ADAMTS17: variants seen among roughly 807,000 people sequenced by gnomAD.
The protein encoded by ADAMTS17 is ADAM metallopeptidase with thrombospondin type 1 motif 17, also known as A disintegrin and metalloproteinase with thrombospondin motifs 17.
A neutral mutation model predicts 141.5 loss-of-function variants in ADAMTS17; 113 were observed. The observed-to-expected ratio is 0.80, with a 90% CI of 0.69 to 0.93. The LOEUF is 0.93. Among genes scored for constraint, ADAMTS17 ranks in the 40% least tolerant of loss-of-function variants. The probability of loss-of-function intolerance (pLI) is 0.00; values close to 1 mark genes in which losing one functional copy is unlikely to be tolerated. For synonymous variants in ADAMTS17, 768 were observed against 630.6 expected (o/e 1.22, Z -3.27); for missense variants, 1,659 against 1,517.9 (o/e 1.09, Z -1.54).
intron 18 of ADAMTS17, among the ~76,000 whole-genome samples, chr15:100,029,138 T>A (rs764295586): frequency 2.6e-5 from 4 of 152,158 alleles, no homozygotes; most frequent in Non-Finnish European, 4.4e-5. Flanking sequence ...CCTGAGTATG[T>A]CTCCCATCTT....
At chr15:100,008,129 A>G (rs985177220) in intron 18 of ADAMTS17, among the ~76,000 whole-genome samples, 1 of 152,182 alleles carries the variant, frequency 6.6e-6, no homozygotes, top group South Asian at 2.1e-4. Context: ...GGTGGTCCCA[A>G]TGCCTCTTAA....
At chr15:100,172,406 C>T (rs775701787) in intron 8 of ADAMTS17, among the ~76,000 whole-genome samples, 6 of 152,144 alleles carry the variant, frequency 3.9e-5, no homozygotes, top group Non-Finnish European at 7.3e-5. Context: ...TAAAGTTTAA[C>T]TTCCTCATAG....
Position 100,182,990 on chromosome 15 carries a change from T to C in ADAMTS17, c.1181+16328A>G, listed in dbSNP as rs1185183559. Among the ~76,000 whole-genome samples the C allele has an allele frequency of 3.9e-5, 6 of 151,990 alleles. No individual in the cohort carries two copies. In the East Asian group the frequency reaches 1.2e-3, roughly 29 times the overall value. On this transcript the variant is annotated intron_variant, in intron 8 of 21. Transcript: ENST00000268070. ...TATCCTTTGCTTCTGGGATTCTTTT[T>C]CTTTTTCTTTTTTTTTGAGACAGAG... is the stretch of plus-strand genomic sequence containing the variant.
intron 7 of ADAMTS17, among the ~76,000 whole-genome samples, chr15:100,202,279 G>A (rs1318344287): frequency 6.6e-6 from 1 of 152,160 alleles, no homozygotes; most frequent in African/African-American, 2.4e-5. Context: ...TCCAATAATT[G>A]CATTTTAATT....
chr15:100,310,072 T>G (rs1466562029), intron 3 of ADAMTS17, among the ~76,000 whole-genome samples: 3 of 152,202 alleles, frequency 2.0e-5, no homozygotes, highest in Admixed American at 2.0e-4. Context: ...ATATTTATAC[T>G]AAGGCAGGCA....
At chr15:100,312,889 A>G (rs1169588290) in intron 3 of ADAMTS17, among the ~76,000 whole-genome samples, 1 of 152,218 alleles carries the variant, frequency 6.6e-6, no homozygotes, top group Non-Finnish European at 1.5e-5. Context: ...AATAATACAT[A>G]AATAAAGGGA....
chr15:100,033,561 C>G (rs73482774), intron 18 of ADAMTS17, among the ~76,000 whole-genome samples: 2 of 152,182 alleles, frequency 1.3e-5, no homozygotes, highest in Non-Finnish European at 2.9e-5. Context: ...GCCTGTCTCA[C>G]GTCATCTTCC....
chr15:100,139,085 G>T (rs944583334), intron 10 of ADAMTS17, among the ~76,000 whole-genome samples: 1 of 152,056 alleles, frequency 6.6e-6, no homozygotes, highest in African/African-American at 2.4e-5. Context: ...CATTAAAAAG[G>T]GCGAAACAGA....
Position 99,972,567 on chromosome 15 carries a change from T to A in ADAMTS17, c.*1835A>T, listed in dbSNP as rs866426702. On this transcript the variant is annotated 3_prime_UTR_variant, in exon 22 of 22. Transcript: ENST00000268070. ...CGCCCCCAAAATTTTGAGGGCTTTG[T>A]GAAAATGGGAATTCATGGGAGTCTG... 1.3e-5 allele frequency: 2 copies of A among 152,154 alleles called. No individual in the cohort carries two copies. Among genetic ancestry groups the A allele is most frequent in the African/African-American group, 4.8e-5 (2 of 41,432 alleles). 9.4% of individuals were successfully genotyped at this position (152,154 alleles called of 1,614,324 possible).
chr15:100,222,059 C>T (rs2042150947), intron 7 of ADAMTS17, among the ~76,000 whole-genome samples: 1 of 152,202 alleles, frequency 6.6e-6, no homozygotes, highest in Non-Finnish European at 1.5e-5. Flanking sequence ...ACGCCTTAGC[C>T]TTAAGAGTGC....
At chr15:100,066,365 A>G (rs1354792719) in intron 15 of ADAMTS17, among the ~76,000 whole-genome samples, 1 of 146,968 alleles carries the variant, frequency 6.8e-6, no homozygotes, top group African/African-American at 2.5e-5. Context: ...TAGATGGCAT[A>G]TGGATACACG....
intron 7 of ADAMTS17, among the ~76,000 whole-genome samples, chr15:100,202,167 C>G (rs543592649): frequency 6.6e-6 from 1 of 152,324 alleles, no homozygotes; most frequent in East Asian, 1.9e-4. Context: ...AAACACATCC[C>G]CCCTGGCCTC....
intron 3 of ADAMTS17, among the ~76,000 whole-genome samples, chr15:100,291,214 G>A (rs1332297637): frequency 6.6e-6 from 1 of 152,166 alleles, no homozygotes; most frequent in African/African-American, 2.4e-5. Flanking sequence ...TTCAAAAGAA[G>A]ACATACACGT....
intron 15 of ADAMTS17, among the ~76,000 whole-genome samples, chr15:100,084,212 G>C (rs2034940026): frequency 6.6e-6 from 1 of 152,226 alleles, no homozygotes; most frequent in Non-Finnish European, 1.5e-5. Flanking sequence ...GCATGGCTGG[G>C]AGGGTCCCAT....
chr15:100,223,180 G>A (rs2042188268), intron 7 of ADAMTS17, among the ~76,000 whole-genome samples: 1 of 152,140 alleles, frequency 6.6e-6, no homozygotes, highest in African/African-American at 2.4e-5. Context: ...GACATGGTGG[G>A]GACTAAGGCA....
At position 99,972,776 on chromosome 15, in the gene ADAMTS17, G is replaced by A. The variant is rs1442392283; in HGVS notation, c.*1626C>T. 6.6e-6 allele frequency: 1 copy of A among 152,206 alleles called. No homozygotes were observed. The highest frequency in any genetic ancestry group is 1.5e-5 in the Non-Finnish European group (1 of 68,048). The allele number at this position is 152,206 out of a possible 1,614,324, so 9.4% of individuals were successfully genotyped here. On this transcript the variant is annotated 3_prime_UTR_variant, in exon 22 of 22. Transcript: ENST00000268070. ...CATCCCTACCGCTTCTCTGCCTCTA[G>A]GGTAGTAAAAACAAAAACACAGCTC... is the stretch of plus-strand genomic sequence containing the variant.
intron 6 of ADAMTS17, among the ~76,000 whole-genome samples, chr15:100,260,905 G>A (rs2043492981): frequency 6.6e-6 from 1 of 152,130 alleles, no homozygotes; most frequent in South Asian, 2.1e-4. Flanking sequence ...TTTATAAAGG[G>A]AGAGTTTTGG....
At chr15:100,057,682 G>A (rs1480159949) in intron 15 of ADAMTS17, among the ~76,000 whole-genome samples, 1 of 152,126 alleles carries the variant, frequency 6.6e-6, no homozygotes, top group African/African-American at 2.4e-5. Flanking sequence ...ACAGTTCCAG[G>A]CACAGGCCCA....
chr15:100,280,979 G>A (rs2044260012), intron 4 of ADAMTS17, among the ~76,000 whole-genome samples: 1 of 152,174 alleles, frequency 6.6e-6, no homozygotes, highest in African/African-American at 2.4e-5. Context: ...GGTAACAAGT[G>A]GCCCCATCAC....
Sources: allele counts gnomAD v4.1 joint callset (sites outside exome capture counted in the v4.1 genomes callset), GRCh38; gene constraint gnomAD v4.1.1; transcripts MANE v1.5; gene names NCBI Gene and HGNC (gene_info 2026-07-23, HGNC 2026-07-21).